GRID2: variants seen among roughly 807,000 people sequenced by gnomAD.
GRID2 encodes glutamate receptor ionotropic, delta-2.
Under a neutral mutation model 114.8 loss-of-function variants are expected in GRID2, and 33 were observed. The ratio of observed to expected loss-of-function variants is 0.29; its 90% CI spans 0.22 to 0.38. The LOEUF is 0.38. GRID2 is among the 10% of genes least tolerant of loss of function. The pLI, the probability that GRID2 is intolerant of heterozygous loss-of-function variation, is 1.00. For missense variants in GRID2, 1,184 were observed against 1,257.7 expected (o/e 0.94, Z 0.89); for synonymous variants, 505 against 449.9 (o/e 1.12, Z -1.55).
At chr4:93,255,422 G>C (rs2149538359) in intron 8 of GRID2, among the ~76,000 whole-genome samples, 1 of 152,178 alleles carries the variant, frequency 6.6e-6, no homozygotes, top group East Asian at 1.9e-4. Flanking sequence ...AATAGTAAAG[G>C]AGAAAACGTT....
intron 5 of GRID2, among the ~76,000 whole-genome samples, chr4:93,215,225 CA>C (rs557409406): frequency 4.7e-5 from 7 of 147,492 alleles, no homozygotes; most frequent in African/African-American, 1.7e-4. Context: ...ATTGCTAAAG[CA>C]AAAAAAAATA....
chr4:93,085,397 G>C, intron 3 of GRID2, 118 bp downstream of exon 3: 3 of 794,808 alleles, frequency 3.8e-6, no homozygotes, highest in Non-Finnish European at 6.1e-6. Flanking sequence ...TTCTTGTCTT[G>C]TCATATTTTT....
At chr4:93,591,398 G>C (rs1337240041) in intron 13 of GRID2, among the ~76,000 whole-genome samples, 1 of 151,522 alleles carries the variant, frequency 6.6e-6, no homozygotes, top group Non-Finnish European at 1.5e-5. Flanking sequence ...GCATCCCAGG[G>C]ATGAAGCCCA....
chr4:93,069,181 A>C (rs1728584499), intron 2 of GRID2, among the ~76,000 whole-genome samples: 1 of 151,952 alleles, frequency 6.6e-6, no homozygotes, highest in African/African-American at 2.4e-5. Context: ...ATTACATTTC[A>C]ACATTAGTTT....
At chr4:93,456,163 A>G (rs1462688848) in intron 11 of GRID2, among the ~76,000 whole-genome samples, 189 bp downstream of exon 11, 1 of 152,148 alleles carries the variant, frequency 6.6e-6, no homozygotes. Context: ...GTTTCCAGCA[A>G]TAATGGTTCA....
intron 2 of GRID2, among the ~76,000 whole-genome samples, chr4:92,936,049 A>T (rs2149527688): frequency 6.8e-6 from 1 of 146,648 alleles, no homozygotes; most frequent in South Asian, 2.3e-4. Context: ...AATAAAATAA[A>T]AAAAAGAAAT....
chr4:92,538,258 A>C (rs1478110004), intron 1 of GRID2, among the ~76,000 whole-genome samples: 1 of 152,172 alleles, frequency 6.6e-6, no homozygotes, highest in Non-Finnish European at 1.5e-5. Flanking sequence ...TAACCCTAAC[A>C]ATTGTTCTCA....
At chr4:93,685,516 A>G (rs183809865) in intron 14 of GRID2, among the ~76,000 whole-genome samples, 21 of 152,180 alleles carry the variant, frequency 1.4e-4, no homozygotes, top group East Asian at 1.2e-3. Flanking sequence ...GGTAATTTCC[A>G]TAGGAGTAGA....
chr4:93,712,614 CACTT>C (rs1299159517), intron 14 of GRID2, among the ~76,000 whole-genome samples: 1 of 152,150 alleles, frequency 6.6e-6, no homozygotes, highest in Non-Finnish European at 1.5e-5. Context: ...AACCATCTCT[CACTT>C]AAATCTATAA....
At chr4:93,329,609 C>G (rs1379579372) in intron 8 of GRID2, among the ~76,000 whole-genome samples, 7 of 152,046 alleles carry the variant, frequency 4.6e-5, no homozygotes, top group Admixed American at 4.6e-4. Flanking sequence ...TACTGAATAT[C>G]AAAGGATGGC....
chr4:93,584,483 T>C lies in GRID2; in HGVS notation c.2194-41786T>C, dbSNP rs915800739. ...TACTATCCCTCAATGGTTGAAAATGTTGTTTTTTGACATGAGGGATACTTC... is the reference window on the plus strand; with the variant it reads ...TACTATCCCTCAATGGTTGAAAATGCTGTTTTTTGACATGAGGGATACTTC... On this transcript the variant is annotated intron_variant, in intron 13 of 15. Transcript: ENST00000282020. Among the ~76,000 whole-genome samples, 15 of 152,098 alleles carry C rather than the reference T, an allele frequency of 9.9e-5. 1 individual carries two copies. The highest frequency in any genetic ancestry group is 2.4e-5 in the African/African-American group (1 of 41,448).
At chr4:92,519,789 T>A (rs964369245) in intron 1 of GRID2, among the ~76,000 whole-genome samples, 5 of 151,678 alleles carry the variant, frequency 3.3e-5, no homozygotes, top group Non-Finnish European at 7.4e-5. Context: ...GAGCTGATGG[T>A]TTAAGTTACA....
intron 13 of GRID2, among the ~76,000 whole-genome samples, chr4:93,516,334 C>T (rs1729731427): frequency 6.6e-6 from 1 of 152,066 alleles, no homozygotes; most frequent in Non-Finnish European, 1.5e-5. Flanking sequence ...CAGCATTATT[C>T]TCTGCTTTTT....
chr4:92,597,758 G>A (rs1334833408), intron 2 of GRID2, among the ~76,000 whole-genome samples: 1 of 152,132 alleles, frequency 6.6e-6, no homozygotes, highest in African/African-American at 2.4e-5. Context: ...TGACTCATTA[G>A]AGGAATCACT....
chr4:92,465,110 C>A (rs1467934677), intron 1 of GRID2, among the ~76,000 whole-genome samples: 8 of 152,006 alleles, frequency 5.3e-5, no homozygotes, highest in Admixed American at 1.3e-4. Flanking sequence ...AACTCTGAGT[C>A]AATTAAATCT....
At chr4:93,153,418 A>C (rs1318091062) in intron 4 of GRID2, among the ~76,000 whole-genome samples, 2 of 152,056 alleles carry the variant, frequency 1.3e-5, no homozygotes, top group Non-Finnish European at 2.9e-5. Context: ...CAGGAAAAAA[A>C]GCCCAGGGCT....
At chr4:93,240,710 G>A (rs1747399690) in intron 8 of GRID2, among the ~76,000 whole-genome samples, 1 of 150,014 alleles carries the variant, frequency 6.7e-6, no homozygotes, top group Non-Finnish European at 1.5e-5. Flanking sequence ...ATGTTCCAAG[G>A]GTTTTACAGT....
At chr4:93,530,431 C>T (rs1192749973) in intron 13 of GRID2, among the ~76,000 whole-genome samples, 1 of 152,120 alleles carries the variant, frequency 6.6e-6, no homozygotes, top group African/African-American at 2.4e-5. Flanking sequence ...TACTATCAAA[C>T]CAAGTTGCTG....
intron 2 of GRID2, among the ~76,000 whole-genome samples, chr4:92,666,410 C>A (rs996581869): frequency 6.6e-6 from 1 of 151,458 alleles, no homozygotes; most frequent in Non-Finnish European, 1.5e-5. Flanking sequence ...TTCTCAAGGA[C>A]AATTTCTGTT....
Sources: allele counts gnomAD v4.1 joint callset (sites outside exome capture counted in the v4.1 genomes callset), GRCh38; gene constraint gnomAD v4.1.1; transcripts MANE v1.5; gene names NCBI Gene and HGNC (gene_info 2026-07-23, HGNC 2026-07-21).